Variants in FOXP1 observed in about 807,000 individuals in gnomAD.
FOXP1 encodes the protein forkhead box protein P1.
FOXP1 carries 15 observed loss-of-function variants against 98.2 expected under a neutral mutation model. The ratio of observed to expected loss-of-function variants is 0.15; its 90% CI spans 0.10 to 0.24. FOXP1 has a LOEUF of 0.24. Ranked by LOEUF, FOXP1 falls within the 10% of genes least tolerant of loss-of-function variation. The pLI, the probability that FOXP1 is intolerant of heterozygous loss-of-function variation, is 1.00. For synonymous variants in FOXP1, 371 were observed against 314.5 expected, an observed-to-expected ratio of 1.18 and a Z score of -1.90; for missense variants, 633 against 848.5, an observed-to-expected ratio of 0.75 and a Z score of 3.15.
chr3:71,003,817 C>A (rs2042418613), intron 12 of FOXP1, among the ~76,000 whole-genome samples: 1 of 152,100 alleles, frequency 6.6e-6, no homozygotes, highest in Admixed American at 6.6e-5. Flanking sequence ...ACTGATTTCA[C>A]AAATACCCTT....
At chr3:71,507,617 A>T (rs984773266) in intron 2 of FOXP1, among the ~76,000 whole-genome samples, 1 of 151,228 alleles carries the variant, frequency 6.6e-6, no homozygotes, top group African/African-American at 2.4e-5. Context: ...TCGCTCTGTC[A>T]CCGAGGCTGG....
intron 2 of FOXP1, among the ~76,000 whole-genome samples, chr3:71,545,766 TAAGA>T (rs905745927): frequency 1.8e-4 from 27 of 152,216 alleles, no homozygotes; most frequent in Non-Finnish European, 3.4e-4. Flanking sequence ...TAAGCCAGCT[TAAGA>T]TTTTGGAAAA....
At chr3:71,095,298 C>T (rs2056346567) in intron 7 of FOXP1, among the ~76,000 whole-genome samples, 1 of 152,128 alleles carries the variant, frequency 6.6e-6, no homozygotes, top group African/African-American at 2.4e-5. Context: ...GTATCTGGGC[C>T]TCACACGGTT....
At chr3:71,139,248 A>G (rs1189923623) in intron 6 of FOXP1, among the ~76,000 whole-genome samples, 1 of 152,168 alleles carries the variant, frequency 6.6e-6, no homozygotes, top group African/African-American at 2.4e-5. Context: ...CTGGGCTCAC[A>G]CTGTCTGAAT....
Position 71,207,166 on chromosome 3 carries a change from T to C in FOXP1, c.-11-8774A>G, listed in dbSNP as rs542941568. Among the ~76,000 whole-genome samples, 22 of 152,192 alleles carry C rather than the reference T, an allele frequency of 1.4e-4. 1 individual carries two copies. The South Asian group carries it at 4.6e-3, about 32-fold the overall frequency. On this transcript the variant is annotated intron_variant, in intron 5 of 20. Coordinates refer to ENST00000649528, the MANE Select transcript of FOXP1 (RefSeq NM_001349338.3). Reference sequence around the variant, plus strand: ...AGAACTAACAAAGCCCACGGAACTTTAATCATTTGAACATTCAAACAGCTG... The same window carrying C: ...AGAACTAACAAAGCCCACGGAACTTCAATCATTTGAACATTCAAACAGCTG...
intron 4 of FOXP1, among the ~76,000 whole-genome samples, chr3:71,356,589 CCTCT>C (rs1330932064): frequency 6.6e-6 from 1 of 152,192 alleles, no homozygotes; most frequent in Non-Finnish European, 1.5e-5. Flanking sequence ...ACAAGCATCA[CCTCT>C]CTAACTCTTC....
At chr3:71,016,580 G>GAAGGGCTATTGCA (rs2044521009) in intron 11 of FOXP1, among the ~76,000 whole-genome samples, 1 of 151,740 alleles carries the variant, frequency 6.6e-6, no homozygotes, top group Non-Finnish European at 1.5e-5. Flanking sequence ...CCCTTCCCGG[G>GAAGGGCTATTGCA]AAGGGCTATT....
intron 2 of FOXP1, among the ~76,000 whole-genome samples, chr3:71,562,854 C>T (rs1425945447): frequency 6.6e-6 from 1 of 152,178 alleles, no homozygotes; most frequent in Non-Finnish European, 1.5e-5. Flanking sequence ...CTGGGCCCAA[C>T]AGATACATAA....
intron 3 of FOXP1, among the ~76,000 whole-genome samples, chr3:71,486,835 A>C (rs758260729): frequency 1.6e-4 from 24 of 152,376 alleles, no homozygotes; most frequent in Admixed American, 3.9e-4. Context: ...ATGGAGTTTA[A>C]GTTCCTAGAA....
intron 5 of FOXP1, among the ~76,000 whole-genome samples, chr3:71,299,366 T>A (rs1227126954): frequency 1.3e-5 from 2 of 152,192 alleles, no homozygotes; most frequent in Non-Finnish European, 2.9e-5. Flanking sequence ...CTATGGTGCC[T>A]GACTGTTAAT....
intron 2 of FOXP1, among the ~76,000 whole-genome samples, chr3:71,510,396 G>A (rs1288451454): frequency 6.6e-6 from 1 of 152,056 alleles, no homozygotes; most frequent in Non-Finnish European, 1.5e-5. Flanking sequence ...AGAATCGCTT[G>A]AACCCAGGAG....
At chr3:71,438,415 C>G (rs893437753) in intron 3 of FOXP1, among the ~76,000 whole-genome samples, 6 of 152,286 alleles carry the variant, frequency 3.9e-5, no homozygotes, top group African/African-American at 1.4e-4. Flanking sequence ...TAAGAGTAAC[C>G]TGCTGTGGCA....
intron 7 of FOXP1, chr3:71,065,638 C>T (rs1260746706): frequency 6.6e-6 from 1 of 152,186 alleles, no homozygotes; most frequent in African/African-American, 2.4e-5. Flanking sequence ...GTCGCTGAAC[C>T]AGGCGACTTC....
At chr3:71,068,005 T>G (rs987381263) in intron 7 of FOXP1, among the ~76,000 whole-genome samples, 2 of 138,766 alleles carry the variant, frequency 1.4e-5, no homozygotes, top group Admixed American at 7.0e-5. Flanking sequence ...AAAAAAGCCA[T>G]AATAATATAA....
At chr3:71,455,281 C>T (rs897349320) in intron 3 of FOXP1, among the ~76,000 whole-genome samples, 2 of 152,056 alleles carry the variant, frequency 1.3e-5, no homozygotes, top group African/African-American at 4.8e-5. Context: ...TACATCCCTA[C>T]GTATAGACAA....
At chr3:71,092,188 T>A in intron 7 of FOXP1, among the ~76,000 whole-genome samples, 1 of 142,688 alleles carries the variant, frequency 7.0e-6, no homozygotes, top group South Asian at 2.2e-4. Flanking sequence ...AGACTCTGTC[T>A]CAGAAAAAAA....
intron 5 of FOXP1, among the ~76,000 whole-genome samples, chr3:71,206,456 A>C (rs2064041678): frequency 6.6e-6 from 1 of 152,208 alleles, no homozygotes. Flanking sequence ...GATGGGCTGG[A>C]GAAGGTAGAC....
intron 2 of FOXP1, among the ~76,000 whole-genome samples, chr3:71,501,166 G>A (rs1199685027): frequency 6.6e-6 from 1 of 152,126 alleles, no homozygotes; most frequent in African/African-American, 2.4e-5. Context: ...CAGCCTGGGT[G>A]ACAGAGTGAG....
chr3:71,015,138 T>C (rs868230857), intron 12 of FOXP1, among the ~76,000 whole-genome samples: 1 of 150,114 alleles, frequency 6.7e-6, no homozygotes. Context: ...AAAGTATAAT[T>C]TAAAAAAAAA....
Sources: allele counts gnomAD v4.1 joint callset (sites outside exome capture counted in the v4.1 genomes callset), GRCh38; gene constraint gnomAD v4.1.1; transcripts MANE v1.5; gene names NCBI Gene and HGNC (gene_info 2026-07-23, HGNC 2026-07-21).